The following PPFIA2 variants were observed in gnomAD, a reference collection of about 807,000 sequenced individuals.
PPFIA2 encodes the protein liprin-alpha-2.
PPFIA2 carries 46 observed loss-of-function variants against 175.5 expected under a neutral mutation model. The ratio of observed to expected loss-of-function variants is 0.26; its 90% confidence interval spans 0.21 to 0.34. PPFIA2 has a LOEUF of 0.34. Among genes scored for constraint, PPFIA2 ranks in the 10% least tolerant of loss-of-function variants. The pLI, the probability that PPFIA2 is intolerant of heterozygous loss-of-function variation, is 1.00. For synonymous variants in PPFIA2, 568 were observed against 511.4 expected (o/e 1.11, Z -1.49); for missense variants, 1,179 against 1,506.1 (o/e 0.78, Z 3.60).
intron 4 of PPFIA2, among the ~76,000 whole-genome samples, chr12:81,610,499 C>T (rs1002518780): frequency 1.3e-5 from 2 of 152,086 alleles, no homozygotes; most frequent in South Asian, 4.1e-4. Flanking sequence ...GAGATTCTTT[C>T]CTCAGCTTGG....
intron 4 of PPFIA2, among the ~76,000 whole-genome samples, chr12:81,571,548 C>A (rs940693787): frequency 6.6e-6 from 1 of 152,008 alleles, no homozygotes; most frequent in East Asian, 1.9e-4. Context: ...AGTTACTCAT[C>A]TGGAAGTAGT....
intron 4 of PPFIA2, among the ~76,000 whole-genome samples, chr12:81,498,637 T>C (rs2060270593): frequency 6.6e-6 from 1 of 152,188 alleles, no homozygotes; most frequent in Non-Finnish European, 1.5e-5. Context: ...TATTTATTTA[T>C]TTATTGAGAC....
In PPFIA2 at chr12:81,259,105, A is replaced by G. The variant is rs1191377362; in HGVS notation, c.*589T>C. On this transcript the variant is annotated 3_prime_UTR_variant, in exon 33 of 33. Coordinates refer to ENST00000549396, the MANE Select transcript of PPFIA2 (RefSeq NM_003625.5). The stretch of plus-strand genomic sequence containing the variant: ...TTACATGATCAGAGGCAGGTTGTTC[A>G]GCTTTAAGTATTGACAGACTTGAAG... The G allele has an allele frequency of 5.7e-6, 1 of 175,376 alleles. No homozygotes were observed. Among genetic ancestry groups the G allele is most frequent in the Non-Finnish European group, 1.2e-5 (1 of 83,474 alleles). 10.9% of individuals were successfully genotyped at this position (175,376 alleles called of 1,614,324 possible).
intron 21 of PPFIA2, among the ~76,000 whole-genome samples, chr12:81,331,340 C>A (rs986698881): frequency 9.9e-5 from 15 of 152,212 alleles, no homozygotes; most frequent in South Asian, 6.2e-4. Flanking sequence ...TTCCATACAG[C>A]CTGGGTAGGT....
intron 4 of PPFIA2, among the ~76,000 whole-genome samples, chr12:81,586,772 T>C (rs2075359383): frequency 6.6e-6 from 1 of 152,024 alleles, no homozygotes; most frequent in South Asian, 2.1e-4. Context: ...GCTTCCCTAA[T>C]TGATATATAA....
At chr12:81,751,473 G>C (rs1597211131) in intron 3 of PPFIA2, among the ~76,000 whole-genome samples, 1 of 149,698 alleles carries the variant, frequency 6.7e-6, no homozygotes, top group African/African-American at 2.5e-5. Flanking sequence ...AAAAATTTCA[G>C]AAATATTCAG....
intron 3 of PPFIA2, among the ~76,000 whole-genome samples, chr12:81,722,863 AC>A (rs1161041363): frequency 6.6e-6 from 1 of 151,212 alleles, no homozygotes; most frequent in African/African-American, 2.4e-5. Context: ...CTACCTTCAT[AC>A]AATATGATTT....
chr12:81,511,552 T>C (rs958520993), intron 4 of PPFIA2, among the ~76,000 whole-genome samples: 7 of 152,046 alleles, frequency 4.6e-5, no homozygotes, highest in African/African-American at 1.4e-4. Flanking sequence ...AGATTTCAAA[T>C]ACACAAAAAT....
chr12:81,462,254 C>CATACAT (rs1555402138), intron 4 of PPFIA2, among the ~76,000 whole-genome samples: 5 of 132,858 alleles, frequency 3.8e-5, no homozygotes, highest in African/African-American at 1.4e-4. Context: ...GCTTTTCTAA[C>CATACAT]ATATATATAT....
At chr12:81,608,366 T>C (rs957190096) in intron 4 of PPFIA2, among the ~76,000 whole-genome samples, 1 of 152,190 alleles carries the variant, frequency 6.6e-6, no homozygotes, top group East Asian at 1.9e-4. Context: ...TTCAGTAGGA[T>C]TGGTACCAGT....
intron 4 of PPFIA2, among the ~76,000 whole-genome samples, chr12:81,591,732 A>G (rs1395107466): frequency 1.3e-5 from 2 of 152,120 alleles, no homozygotes; most frequent in East Asian, 3.9e-4. Flanking sequence ...AGAAGTCAAG[A>G]ATTGAGGTTT....
intron 21 of PPFIA2, among the ~76,000 whole-genome samples, chr12:81,328,420 G>C (rs2055313605): frequency 1.3e-5 from 2 of 152,166 alleles, no homozygotes; most frequent in African/African-American, 4.8e-5. Context: ...TGAAAACGTG[G>C]TAGAAAAATA....
chr12:81,547,758 A>G (rs2067228889), intron 4 of PPFIA2, among the ~76,000 whole-genome samples: 1 of 152,168 alleles, frequency 6.6e-6, no homozygotes, highest in Non-Finnish European at 1.5e-5. Context: ...TAACCAGAAA[A>G]ATAGGAATAA....
chr12:81,440,541 T>G (rs1393102900), intron 6 of PPFIA2, among the ~76,000 whole-genome samples: 1 of 152,134 alleles, frequency 6.6e-6, no homozygotes, highest in African/African-American at 2.4e-5. Context: ...AAAAATGTTC[T>G]TCGCTTCTCT....
At chr12:81,457,742 C>T in intron 5 of PPFIA2, 23 bp downstream of exon 5, 3 of 1,473,900 alleles carry the variant, frequency 2.0e-6, no homozygotes, top group Non-Finnish European at 2.8e-6. Context: ...GAATTAATTC[C>T]AAAAAGGCTG....
At chr12:81,326,742 T>C (rs2054865036) in intron 21 of PPFIA2, among the ~76,000 whole-genome samples, 2 of 152,132 alleles carry the variant, frequency 1.3e-5, no homozygotes, top group Non-Finnish European at 2.9e-5. Flanking sequence ...TACTCCTATG[T>C]TCTGAAGTCG....
At chr12:81,716,969 T>C (rs1030855670) in intron 3 of PPFIA2, among the ~76,000 whole-genome samples, 3 of 151,558 alleles carry the variant, frequency 2.0e-5, no homozygotes, top group Non-Finnish European at 3.0e-5. Flanking sequence ...TGACAAGGTA[T>C]GGCATCATAG....
intron 22 of PPFIA2, among the ~76,000 whole-genome samples, chr12:81,306,095 T>C (rs1225021508): frequency 1.3e-5 from 2 of 152,224 alleles, no homozygotes; most frequent in Non-Finnish European, 2.9e-5. Flanking sequence ...TTCTATTTGA[T>C]GCCTGTCATT....
intron 22 of PPFIA2, among the ~76,000 whole-genome samples, chr12:81,300,069 GGTT>G (rs1486292715): frequency 6.6e-6 from 1 of 152,040 alleles, no homozygotes; most frequent in African/African-American, 2.4e-5. Context: ...AACAACAAAT[GGTT>G]GTTTTGATAA....
Sources: gnomAD v4.1 joint callset for allele counts (sites outside exome capture counted in the v4.1 genomes callset) on GRCh38, gnomAD v4.1.1 for gene constraint, MANE v1.5 for transcripts, NCBI Gene and HGNC (gene_info 2026-07-23, HGNC 2026-07-21) for gene names.